Variants in AP1B1 observed in about 807,000 individuals in gnomAD.
The protein encoded by AP1B1 is adaptor related protein complex 1 subunit beta 1.
Under a neutral mutation model 104.3 loss-of-function variants are expected in AP1B1, and 36 were observed. The observed-to-expected ratio is 0.35, with a 90% CI of 0.26 to 0.46. AP1B1 has a LOEUF of 0.46. Among genes scored for constraint, AP1B1 ranks in the 20% least tolerant of loss-of-function variants. The probability of loss-of-function intolerance (pLI) is 1.00; values close to 1 mark genes in which losing one functional copy is unlikely to be tolerated. For synonymous variants in AP1B1, 504 were observed against 517.5 expected, an observed-to-expected ratio of 0.97 and a Z score of 0.35; for missense variants, 901 against 1,247.9, an observed-to-expected ratio of 0.72 and a Z score of 4.19.
chr22:29,333,098 TG>T (rs979261324), intron 17 of AP1B1: 14 of 154,248 alleles, frequency 9.1e-5, no homozygotes, highest in African/African-American at 3.1e-4. Context: ...TGAGGGTAAG[TG>T]GTAGAGCCAC....
chr22:29,376,992 T>C (rs2062353602), intron 1 of AP1B1, among the ~76,000 whole-genome samples: 1 of 151,736 alleles, frequency 6.6e-6, no homozygotes, highest in South Asian at 2.1e-4. Context: ...GGTCAGGAGA[T>C]TGGGACCAGC....
chr22:29,378,258 G>A (rs535307749), intron 1 of AP1B1, among the ~76,000 whole-genome samples: 6 of 152,084 alleles, frequency 3.9e-5, no homozygotes, highest in Non-Finnish European at 8.8e-5. Flanking sequence ...AAACTGATTA[G>A]TCAAAATCAA....
chr22:29,372,435 A>G (rs930675076), intron 1 of AP1B1, among the ~76,000 whole-genome samples: 4 of 151,200 alleles, frequency 2.6e-5, no homozygotes, highest in South Asian at 4.2e-4. Context: ...AAAAAAAAAA[A>G]AAAAAAGAAA....
chr22:29,330,897 G>A (rs926765914), intron 19 of AP1B1, among the ~76,000 whole-genome samples, 188 bp from the exon 20 acceptor site: 13 of 152,242 alleles, frequency 8.5e-5, no homozygotes, highest in South Asian at 2.1e-4. Context: ...CCCCAGTGCC[G>A]CTTCCAAATG....
chr22:29,359,665 G>T, intron 4 of AP1B1, 159 bp downstream of exon 4: 1 of 855,810 alleles, frequency 1.2e-6, no homozygotes, highest in Non-Finnish European at 1.8e-6. Context: ...TGGAGAGTGG[G>T]AGCCCTCTGC....
intron 17 of AP1B1, 92 bp downstream of exon 17, chr22:29,334,173 C>G: frequency 7.3e-7 from 1 of 1,366,212 alleles, no homozygotes; most frequent in Non-Finnish European, 9.8e-7. Flanking sequence ...TCTACAGCCC[C>G]CACCCCTGCC....
chr22:29,336,354 G>A (rs554602104), intron 16 of AP1B1, among the ~76,000 whole-genome samples: 7 of 152,324 alleles, frequency 4.6e-5, no homozygotes, highest in Non-Finnish European at 8.8e-5. Context: ...AAGGCAGTGG[G>A]GAAAGTCCTG....
At chr22:29,332,000 G>C in intron 17 of AP1B1, 84 bp from the exon 18 acceptor site, 1 of 1,392,264 alleles carries the variant, frequency 7.2e-7, no homozygotes, top group South Asian at 1.3e-5. Context: ...TCGGGAGCTG[G>C]GGCTGTGGTT....
intron 1 of AP1B1, among the ~76,000 whole-genome samples, chr22:29,373,619 A>T (rs571451339): frequency 2.0e-5 from 3 of 152,252 alleles, no homozygotes; most frequent in Admixed American, 6.5e-5. Context: ...CAGACATTTT[A>T]AAAAATGTGC....
At chr22:29,329,024 C>T (rs967875271) in intron 22 of AP1B1, 129 bp from the exon 23 acceptor site, 21 of 1,476,296 alleles carry the variant, frequency 1.4e-5, no homozygotes, top group East Asian at 2.5e-5. Flanking sequence ...GCGGCAGCTG[C>T]GCCTGGCACA....
intron 13 of AP1B1, 86 bp downstream of exon 13, chr22:29,341,415 G>GACA: frequency 6.6e-7 from 1 of 1,520,082 alleles, no homozygotes; most frequent in South Asian, 1.3e-5. Flanking sequence ...CTTGCTGGGG[G>GACA]ACAACACGCC....
chr22:29,344,146 T>C (rs2061755175), intron 11 of AP1B1, among the ~76,000 whole-genome samples: 1 of 151,614 alleles, frequency 6.6e-6, no homozygotes, highest in Admixed American at 6.6e-5. Flanking sequence ...GCATTGTGTA[T>C]TCTGCTCACT....
chr22:29,367,643 A>G (rs1396265279), intron 1 of AP1B1, among the ~76,000 whole-genome samples: 1 of 151,820 alleles, frequency 6.6e-6, no homozygotes, highest in Non-Finnish European at 1.5e-5. Flanking sequence ...TCTTTCCCAC[A>G]AAAATATCTG....
intron 2 of AP1B1, among the ~76,000 whole-genome samples, 174 bp downstream of exon 2, chr22:29,367,033 A>G (rs532527039): frequency 2.0e-5 from 3 of 152,156 alleles, no homozygotes; most frequent in East Asian, 3.9e-4. Flanking sequence ...GGAGTGGTCA[A>G]TTTCTTATAT....
chr22:29,370,231 T>C (rs889342262), intron 1 of AP1B1, among the ~76,000 whole-genome samples: 8 of 151,920 alleles, frequency 5.3e-5, no homozygotes, highest in Non-Finnish European at 7.4e-5. Context: ...GGTGGGCAGA[T>C]TGCCTGAGCT....
In AP1B1 at chr22:29,356,483, A is replaced by G. The variant is rs1220148663; in HGVS notation, c.659T>C (p.Ile220Thr). ...ALNECTEWGQ[I>T]FILDCLANYM... Reference sequence around the variant, plus strand: ...GTTGGCGAGGCAGTCCAGGATGAAGATCTGGCCCCACTCGGTGCACTCATT... The same window carrying G: ...GTTGGCGAGGCAGTCCAGGATGAAGGTCTGGCCCCACTCGGTGCACTCATT... Residue 220 changes from isoleucine (I) to threonine (T), a missense_variant, in exon 6 of 23, where the codon ATC (isoleucine) becomes ACC (threonine). Transcript: ENST00000357586. 2 of 1,614,040 alleles carry G rather than the reference A, an allele frequency of 1.2e-6. No homozygotes were observed. Among genetic ancestry groups the G allele is most frequent in the Non-Finnish European group, 1.7e-6 (2 of 1,180,016 alleles).
In AP1B1 at chr22:29,341,512, A is replaced by G. The variant is rs746568469; in HGVS notation, c.1785T>C (p.Pro595=). 2 of 1,612,770 alleles carry G rather than the reference A, an allele frequency of 1.2e-6. No homozygotes were observed. The highest frequency in any genetic ancestry group is 2.2e-5 in the South Asian group (2 of 91,068). Residue 595 remains proline (P), a synonymous_variant, in exon 13 of 23, where the codon CCT becomes CCC. Coordinates refer to ENST00000357586, the MANE Select transcript of AP1B1 (RefSeq NM_001127.4). ...CCAGTCTCACTCACGAGGCCGTGCG[A>G]GGTGGCAGGCTCTTGTGCACGACGC... The part of the protein sequence containing the change: ...GRGVVHKSLP[P]RTASSESAES...
At chr22:29,333,627 T>C (rs942031735) in intron 17 of AP1B1, among the ~76,000 whole-genome samples, 3 of 151,684 alleles carry the variant, frequency 2.0e-5, no homozygotes, top group East Asian at 1.9e-4. Context: ...GGCAGGAGGA[T>C]TGCTTGAGCC....
chr22:29,330,488 C>T lies in AP1B1; in HGVS notation c.2656G>A (p.Ala886Thr), dbSNP rs148914816. 7.9e-5 allele frequency: 128 copies of T among 1,613,236 alleles called. No individual in the cohort carries two copies. Among genetic ancestry groups the T allele is most frequent in the African/African-American group, 2.7e-4 (20 of 75,064 alleles). The change falls in exon 21 of 23, where the codon GCC (alanine) becomes ACC (threonine). Residue 886 changes from alanine (A) to threonine (T), a missense_variant. Coordinates refer to ENST00000357586, the MANE Select transcript of AP1B1 (RefSeq NM_001127.4). ...TCCTGGCCCTCCACGTTCCTCTTGG[C>T]GACAGTGAAGATGTTGCTGCTCTGC... ...KLQSSNIFTV[A>T]KRNVEGQDML...
Sources: gnomAD v4.1 joint callset for allele counts (sites outside exome capture counted in the v4.1 genomes callset) on GRCh38, gnomAD v4.1.1 for gene constraint, MANE v1.5 for transcripts, NCBI Gene and HGNC (gene_info 2026-07-23, HGNC 2026-07-21) for gene names.